Variants in NAV1 observed in about 807,000 individuals in gnomAD.
The protein encoded by NAV1 is pore membrane and/or filament interacting like protein 3.
Under a neutral mutation model 175.2 loss-of-function variants are expected in NAV1, and 18 were observed. The observed-to-expected ratio is 0.10, with a 90% CI of 0.07 to 0.15. The LOEUF is 0.15. Ranked by LOEUF, NAV1 falls within the 10% of genes least tolerant of loss-of-function variation. The pLI, the probability that NAV1 is intolerant of heterozygous loss-of-function variation, is 1.00. For synonymous variants in NAV1, 897 were observed against 978.7 expected, an observed-to-expected ratio of 0.92 and a Z score of 1.56; for missense variants, 1,731 against 2,436.6, an observed-to-expected ratio of 0.71 and a Z score of 6.10.
intron 17 of NAV1, among the ~76,000 whole-genome samples, chr1:201,805,424 G>A (rs992120917): frequency 6.6e-6 from 1 of 152,218 alleles, no homozygotes; most frequent in African/African-American, 2.4e-5. Context: ...AGAGAGGAAT[G>A]TGTTGGGATG....
At chr1:201,607,870 TTGTGTGTGTGTGTGTGTGTG>T (rs57110688) in intron 2 of NAV1, among the ~76,000 whole-genome samples, 17 of 138,190 alleles carry the variant, frequency 1.2e-4, no homozygotes, top group Non-Finnish European at 2.5e-4. Context: ...GATAACTTTA[TTGTGTGTGTGTGTGTGTGTG>T]TGTGTGTGTG....
chr1:201,542,698 G>A (rs1213203520), intron 1 of NAV1, among the ~76,000 whole-genome samples: 1 of 152,182 alleles, frequency 6.6e-6, no homozygotes, highest in African/African-American at 2.4e-5. Context: ...CATGTCCTGT[G>A]CAGTTCACAC....
At chr1:201,739,845 G>T (rs1379423682) in intron 3 of NAV1, 4 of 1,255,104 alleles carry the variant, frequency 3.2e-6, no homozygotes, top group Non-Finnish European at 4.0e-6. Flanking sequence ...AGCTGGAGCC[G>T]TAAGTACAAG....
intron 1 of NAV1, among the ~76,000 whole-genome samples, chr1:201,582,709 A>T (rs74136647): frequency 1.7e-4 from 26 of 152,316 alleles, no homozygotes; most frequent in African/African-American, 6.0e-4. Context: ...TATCTCAGAG[A>T]GGTGGGCTTA....
intron 2 of NAV1, among the ~76,000 whole-genome samples, chr1:201,614,661 G>A (rs1313937058): frequency 1.3e-5 from 2 of 152,222 alleles, no homozygotes; most frequent in Non-Finnish European, 2.9e-5. Flanking sequence ...TGATGGGGCG[G>A]GGCCTGGCGC....
intron 2 of NAV1, among the ~76,000 whole-genome samples, chr1:201,617,885 A>G (rs1053622171): frequency 1.6e-4 from 24 of 152,234 alleles, no homozygotes; most frequent in Non-Finnish European, 8.8e-5. Context: ...AATATGAGGC[A>G]GTAGAGAGTG....
intron 1 of NAV1, among the ~76,000 whole-genome samples, chr1:201,559,116 G>A (rs1320319021): frequency 1.3e-5 from 2 of 152,152 alleles, no homozygotes; most frequent in Non-Finnish European, 2.9e-5. Context: ...AGGAGATAAC[G>A]CGTATAACAC....
intron 1 of NAV1, among the ~76,000 whole-genome samples, chr1:201,625,564 C>T (rs1236022981): frequency 6.6e-6 from 1 of 152,212 alleles, no homozygotes; most frequent in Non-Finnish European, 1.5e-5. Context: ...AGGGGCAACT[C>T]ACTTACGTCC....
At chr1:201,771,131 T>C (rs1236674160) in intron 3 of NAV1, among the ~76,000 whole-genome samples, 1 of 151,164 alleles carries the variant, frequency 6.6e-6, no homozygotes, top group Non-Finnish European at 1.5e-5. Flanking sequence ...GAAAGGACAG[T>C]CCTGATCCTG....
intron 1 of NAV1, among the ~76,000 whole-genome samples, chr1:201,579,079 G>A (rs1666774257): frequency 6.6e-6 from 1 of 151,898 alleles, no homozygotes; most frequent in Non-Finnish European, 1.5e-5. Context: ...GTTGCAGTGA[G>A]CCAAGATCAC....
At chr1:201,786,003 G>A (rs145755879) in intron 8 of NAV1, among the ~76,000 whole-genome samples, 5,435 of 152,042 alleles carry the variant, frequency 0.036, 116 homozygotes, top group Middle Eastern at 0.096. Context: ...ATGTTGGCCA[G>A]GCTGGTCTCA....
chr1:201,810,467 C>T lies in NAV1; in HGVS notation c.4562-56C>T, dbSNP rs1678616774. The T allele has an allele frequency of 6.7e-7, 1 of 1,487,026 alleles. No individual in the cohort carries two copies. The highest frequency in any genetic ancestry group is 1.7e-4 in the Middle Eastern group (1 of 5,764). 92.1% of individuals were successfully genotyped at this position (1,487,026 alleles called of 1,614,324 possible). ...AAAGAAAGAAAAGCCCTTTAGGATC[C>T]CTTGCTATCCTCAAGACCCTGGTCA... On this transcript the variant is annotated intron_variant, in intron 23 of 29. Coordinates refer to ENST00000367296, the Ensembl canonical transcript of NAV1. The surrounding 1 kb of genome is among the most constrained non-coding windows in gnomAD (Gnocchi z 6.0).
At chr1:201,581,932 T>TA (rs1666878825) in intron 1 of NAV1, among the ~76,000 whole-genome samples, 1 of 151,836 alleles carries the variant, frequency 6.6e-6, no homozygotes, top group South Asian at 2.1e-4. Context: ...CCGTCTCTAC[T>TA]AAAAATACAA....
chr1:201,602,883 C>T (rs913113967), intron 2 of NAV1, among the ~76,000 whole-genome samples: 3 of 152,072 alleles, frequency 2.0e-5, no homozygotes, highest in African/African-American at 7.2e-5. Context: ...AAGCCTGGCT[C>T]AGGCCAAGCA....
chr1:201,791,217 T>A (rs1455570344), intron 13 of NAV1: 2 of 163,644 alleles, frequency 1.2e-5, no homozygotes, highest in African/African-American at 4.8e-5. Context: ...GTCATTAGAA[T>A]TCTGTCTAGT....
intron 2 of NAV1, among the ~76,000 whole-genome samples, chr1:201,611,500 G>A (rs978108013): frequency 5.3e-5 from 8 of 152,196 alleles, no homozygotes; most frequent in South Asian, 2.1e-4. Context: ...GGCCTTATGC[G>A]GAGAGGGGGC....
At chr1:201,798,654 C>A (rs1411854972) in intron 15 of NAV1, 7 of 139,952 alleles carry the variant, frequency 5.0e-5, no homozygotes, top group East Asian at 4.2e-4. Context: ...TGAATATGGA[C>A]TAGATATTAC....
chr1:201,809,889 G>A, intron 22 of NAV1, 57 bp from the exon 27 acceptor site: 1 of 1,494,548 alleles, frequency 6.7e-7, no homozygotes, highest in Non-Finnish European at 9.2e-7. Flanking sequence ...TCTTTGTTGT[G>A]GCTTTTACAC....
chr1:201,650,238 C>G (rs1669142168), intron 1 of NAV1, among the ~76,000 whole-genome samples: 1 of 151,662 alleles, frequency 6.6e-6, no homozygotes, highest in Non-Finnish European at 1.5e-5. Context: ...CATTGTTCTC[C>G]GTGCCTGAAG....
Sources: gnomAD v4.1 joint callset for allele counts (sites outside exome capture counted in the v4.1 genomes callset) on GRCh38, gnomAD v4.1.1 for gene constraint, Gnocchi (gnomAD v3.1) non-coding constraint, MANE v1.5 for transcripts, NCBI Gene and HGNC (gene_info 2026-07-23, HGNC 2026-07-21) for gene names.